Variants in MTO1 observed in about 807,000 individuals in gnomAD.
MTO1 encodes 5-taurinomethyluridine-[tRNA] synthase subunit MTO1, mitochondrial.
MTO1 carries 46 observed loss-of-function variants against 71.6 expected under a neutral mutation model. The ratio of observed to expected loss-of-function variants is 0.64; its 90% CI spans 0.51 to 0.82. MTO1 has a LOEUF of 0.82. Among genes scored for constraint, MTO1 ranks in the 40% least tolerant of loss-of-function variants. MTO1 has a pLI of 0.00. For synonymous variants in MTO1, 297 were observed against 312.1 expected (o/e 0.95, Z 0.51); for missense variants, 773 against 867.5 (o/e 0.89, Z 1.37).
chr6:73,464,485 T>C lies in MTO1; in HGVS notation c.218-1724T>C, dbSNP rs368988976. On this transcript the variant is annotated intron_variant, in intron 1 of 11. Transcript: ENST00000498286. ...GTCTCCCTGTGGAGACCATTAAAAC[T>C]TGTGGAGGTCTTGTCTGGGCATGGT... Among the ~76,000 whole-genome samples the C allele has an allele frequency of 4.6e-5, 7 of 152,028 alleles. No homozygotes were observed. In the South Asian group the frequency reaches 8.3e-4, roughly 18 times the overall value.
intron 7 of MTO1, among the ~76,000 whole-genome samples, chr6:73,481,771 A>G (rs904721608): frequency 6.6e-6 from 1 of 152,154 alleles, no homozygotes; most frequent in African/African-American, 2.4e-5. Context: ...CTGTCTCCGG[A>G]TAAAAAAAAG....
chr6:73,471,345 G>T, intron 3 of MTO1: 4 of 354,382 alleles, frequency 1.1e-5, no homozygotes, highest in East Asian at 2.3e-4. Flanking sequence ...TTTCTCCCCC[G>T]ACTTTCTTTA....
Position 73,461,939 on chromosome 6 carries a change from A to AGC in MTO1, c.89_90dup (p.Ala31ArgfsTer10), listed in dbSNP as rs1184276258. 2 of 1,614,250 alleles carry AGC rather than the reference A, an allele frequency of 1.2e-6. No homozygotes were observed. Among genetic ancestry groups the AGC allele is most frequent in the Non-Finnish European group, 1.7e-6 (2 of 1,180,054 alleles). ...TCCGTTGGCACGGTTGAGCAGTGAC[A>AGC]GCGCGGCGCCCCGGACTCCGCACTT... is the stretch of plus-strand genomic sequence containing the variant. On this transcript the variant is annotated frameshift_variant, in exon 1 of 12. Transcript: ENST00000498286. LOFTEE classifies it high-confidence loss of function.
chr6:73,470,967 A>AG (rs1260067510), intron 3 of MTO1, among the ~76,000 whole-genome samples: 1 of 152,068 alleles, frequency 6.6e-6, no homozygotes, highest in Admixed American at 6.5e-5. Flanking sequence ...GAAAAAAAAA[A>AG]GATAGTCTGT....
At chr6:73,492,648 A>G (rs1452009950) in intron 10 of MTO1, 4 of 235,718 alleles carry the variant, frequency 1.7e-5, no homozygotes, top group Non-Finnish European at 3.4e-5. Flanking sequence ...TGTCTCTACA[A>G]AAAAAATACA....
intron 1 of MTO1, among the ~76,000 whole-genome samples, chr6:73,462,662 A>AGCC (rs1770861114): frequency 6.6e-6 from 1 of 152,108 alleles, no homozygotes; most frequent in Non-Finnish European, 1.5e-5. Flanking sequence ...CCGGGGGCAG[A>AGCC]GGTTGCAGTG....
chr6:73,492,654 A>T (rs1037316433), intron 10 of MTO1: 2 of 239,642 alleles, frequency 8.3e-6, no homozygotes, highest in Admixed American at 9.8e-5. Flanking sequence ...TACAAAAAAA[A>T]TACAAAAAAT....
In MTO1 at chr6:73,504,801, A is replaced by T. The variant is rs1772243748; in HGVS notation, c.*4066A>T. The T allele has an allele frequency of 6.6e-6, 1 of 152,146 alleles. No individual in the cohort carries two copies. Among genetic ancestry groups the T allele is most frequent in the African/African-American group, 2.4e-5 (1 of 41,420 alleles). The allele number at this position is 152,146 out of a possible 1,614,324, so 9.4% of individuals were successfully genotyped here. On this transcript the variant is annotated 3_prime_UTR_variant, in exon 12 of 12. Coordinates refer to ENST00000498286, the MANE Select transcript of MTO1 (RefSeq NM_012123.4). ...ACTTGGGGGCTGAGGCAGGAGAATCACTTGAGCCGGGGAGTTTGAGGCTGC... is the reference window on the plus strand; with the variant it reads ...ACTTGGGGGCTGAGGCAGGAGAATCTCTTGAGCCGGGGAGTTTGAGGCTGC...
intron 9 of MTO1, among the ~76,000 whole-genome samples, chr6:73,483,149 C>T (rs1428881277): frequency 6.6e-6 from 1 of 151,990 alleles, no homozygotes; most frequent in Non-Finnish European, 1.5e-5. Context: ...TGGCTCACAC[C>T]TATAATCCCA....
At position 73,508,887 on chromosome 6, in the gene MTO1, G is replaced by A. The variant is rs776894327; in HGVS notation, c.*8152G>A. 1 of 152,168 alleles carries A rather than the reference G, an allele frequency of 6.6e-6. No individual in the cohort carries two copies. The highest frequency in any genetic ancestry group is 2.1e-4 in the South Asian group (1 of 4,826). 9.4% of individuals were successfully genotyped at this position (152,168 alleles called of 1,614,324 possible). On this transcript the variant is annotated 3_prime_UTR_variant, in exon 12 of 12. Coordinates refer to ENST00000498286, the MANE Select transcript of MTO1 (RefSeq NM_012123.4). ...TGGGGACTGTAGGTCAATGCTCCACGAGGTTCTTCTTTTGTTGCACCAATA... is the reference window on the plus strand; with the variant it reads ...TGGGGACTGTAGGTCAATGCTCCACAAGGTTCTTCTTTTGTTGCACCAATA...
intron 9 of MTO1, among the ~76,000 whole-genome samples, chr6:73,488,535 T>A (rs988375669): frequency 2.0e-5 from 3 of 152,168 alleles, no homozygotes; most frequent in Non-Finnish European, 4.4e-5. Context: ...ATTTCAGATA[T>A]ATGATTTACA....
intron 3 of MTO1, chr6:73,471,557 G>A (rs796413921): frequency 7.8e-6 from 3 of 382,182 alleles, no homozygotes; most frequent in African/African-American, 6.6e-5. Flanking sequence ...TGGGACCACA[G>A]GCATGTGTCA....
Position 73,468,782 on chromosome 6 carries a change from GT to G in MTO1, c.535+2181del, listed in dbSNP as rs1771068544. Reference sequence around the variant, plus strand: ...GCAACCACGCCCAGCTAATTTTTGTGTTTTTAGTGGAGACAGGGTTTTACCA... The same window carrying G: ...GCAACCACGCCCAGCTAATTTTTGTGTTTTAGTGGAGACAGGGTTTTACCA... On this transcript the variant is annotated intron_variant, in intron 3 of 11. Transcript: ENST00000498286. Among the ~76,000 whole-genome samples, 4 of 150,292 alleles carry G rather than the reference GT, an allele frequency of 2.7e-5. No homozygotes were observed. The South Asian group carries it at 6.4e-4, about 24-fold the overall frequency.
Position 73,479,780 on chromosome 6 carries a change from G to A in MTO1, c.874G>A (p.Asp292Asn), listed in dbSNP as rs1392975947. 1.4e-5 allele frequency: 22 copies of A among 1,613,776 alleles called. No homozygotes were observed. The highest frequency in any genetic ancestry group is 1.7e-4 in the Middle Eastern group (1 of 6,022). Residue 292 changes from aspartate to asparagine, a missense_variant, in exon 5 of 12, where the codon GAT (aspartate) becomes AAT (asparagine). Coordinates refer to ENST00000498286, the MANE Select transcript of MTO1 (RefSeq NM_012123.4). ...CTTGACTCACACCAACCCTAGAGTG[G>A]ATGAGATTGTCCTTAAGAACCTTCA... ...CYLTHTNPRV[D>N]EIVLKNLHLN...
At chr6:73,476,292 C>T (rs1416433458) in intron 4 of MTO1, among the ~76,000 whole-genome samples, 1 of 150,266 alleles carries the variant, frequency 6.7e-6, no homozygotes, top group Non-Finnish European at 1.5e-5. Flanking sequence ...GAAAATTGCT[C>T]GAACCTGGGA....
chr6:73,488,617 A>AT (rs1340182098), intron 9 of MTO1, among the ~76,000 whole-genome samples: 13 of 152,196 alleles, frequency 8.5e-5, no homozygotes, highest in African/African-American at 3.1e-4. Flanking sequence ...ATTTTAAAAA[A>AT]ATTTAATGTA....
At chr6:73,483,510 G>C (rs868694017) in intron 9 of MTO1, among the ~76,000 whole-genome samples, 1 of 151,934 alleles carries the variant, frequency 6.6e-6, no homozygotes. Context: ...GCTTTCATAA[G>C]ATTTAGAAGG....
chr6:73,492,113 AAAAAAG>A, intron 9 of MTO1, 115 bp from the exon 10 acceptor site: 2 of 699,610 alleles, frequency 2.9e-6, no homozygotes, highest in Non-Finnish European at 4.8e-6. Context: ...CAAAAAAAAA[AAAAAAG>A]AAATAATCTT....
At chr6:73,485,229 A>G (rs2150038906) in intron 9 of MTO1, among the ~76,000 whole-genome samples, 1 of 152,262 alleles carries the variant, frequency 6.6e-6, no homozygotes, top group East Asian at 1.9e-4. Context: ...AAGATGAACA[A>G]ATGAACAATG....
Sources: allele counts gnomAD v4.1 joint callset (sites outside exome capture counted in the v4.1 genomes callset), GRCh38; gene constraint gnomAD v4.1.1; transcripts MANE v1.5; gene names NCBI Gene and HGNC (gene_info 2026-07-23, HGNC 2026-07-21).